Variants in CNTN4 observed in about 807,000 individuals in gnomAD.
CNTN4 encodes contactin 4.
CNTN4 carries 77 observed loss-of-function variants against 122.5 expected under a neutral mutation model. That is an observed-to-expected ratio of 0.63 (90% confidence interval 0.52 to 0.76). The LOEUF is 0.76. Among genes scored for constraint, CNTN4 ranks in the 30% least tolerant of loss-of-function variants. CNTN4 has a pLI of 0.00. For missense variants in CNTN4, 1,256 were observed against 1,259.1 expected (o/e 1.00, Z 0.04); for synonymous variants, 512 against 447.0 (o/e 1.15, Z -1.83).
intron 6 of CNTN4, among the ~76,000 whole-genome samples, chr3:2,774,497 T>C (rs2091235632): frequency 6.6e-6 from 1 of 152,154 alleles, no homozygotes; most frequent in Non-Finnish European, 1.5e-5. Flanking sequence ...GAGGGACCCA[T>C]TTCCTCTACA....
At chr3:2,526,037 C>T (rs1177641902) in intron 3 of CNTN4, among the ~76,000 whole-genome samples, 1 of 152,064 alleles carries the variant, frequency 6.6e-6, no homozygotes, top group Non-Finnish European at 1.5e-5. Context: ...CAAGACAAAA[C>T]AGAATCAAAA....
chr3:2,776,155 G>A (rs2091306526), intron 6 of CNTN4, among the ~76,000 whole-genome samples: 1 of 152,130 alleles, frequency 6.6e-6, no homozygotes, highest in African/African-American at 2.4e-5. Flanking sequence ...GCTCCAAAGT[G>A]GGGAGATTTG....
At chr3:2,698,789 G>T (rs368849011) in intron 4 of CNTN4, among the ~76,000 whole-genome samples, 2 of 152,234 alleles carry the variant, frequency 1.3e-5, no homozygotes, top group South Asian at 4.1e-4. Flanking sequence ...AGGCCAAGGC[G>T]GGCGGATCAC....
At chr3:2,726,536 T>G (rs2088236165) in intron 4 of CNTN4, among the ~76,000 whole-genome samples, 1 of 152,154 alleles carries the variant, frequency 6.6e-6, no homozygotes, top group South Asian at 2.1e-4. Flanking sequence ...TACTACATAG[T>G]TATGCCAGTA....
At chr3:3,026,509 G>A (rs1341011712) in intron 15 of CNTN4, among the ~76,000 whole-genome samples, 1 of 152,076 alleles carries the variant, frequency 6.6e-6, no homozygotes, top group African/African-American at 2.4e-5. Context: ...TCATTCCTGT[G>A]TATGGATTAG....
In CNTN4 at chr3:2,783,118, ATT is replaced by A. The variant is rs5846222; in HGVS notation, c.359-36354_359-36353del. On this transcript the variant is annotated intron_variant, in intron 6 of 24. Coordinates refer to ENST00000418658, the MANE Select transcript of CNTN4 (RefSeq NM_175607.3). ...ACACAGTGAGATTTTCTCTCTACTA[ATT>A]TTTTTTTTTTTTTAAATTAGCAGGA... is the stretch of plus-strand genomic sequence containing the variant. Among the ~76,000 whole-genome samples, 340 of 145,682 alleles carry A rather than the reference ATT, an allele frequency of 2.3e-3. 1 individual carries two copies. Among genetic ancestry groups the A allele is most frequent in the African/African-American group, 7.2e-3 (288 of 39,830 alleles).
At chr3:2,123,328 C>T (rs1199958614) in intron 2 of CNTN4, among the ~76,000 whole-genome samples, 1 of 152,196 alleles carries the variant, frequency 6.6e-6, no homozygotes, top group Non-Finnish European at 1.5e-5. Flanking sequence ...GAGCTATCTC[C>T]CTCTGCCTGC....
intron 3 of CNTN4, among the ~76,000 whole-genome samples, chr3:2,419,123 G>A (rs536344316): frequency 1.3e-5 from 2 of 152,160 alleles, no homozygotes; most frequent in South Asian, 2.1e-4. Flanking sequence ...TACCCCTTAT[G>A]AGAGAAAATA....
At chr3:2,125,192 T>C (rs2034064216) in intron 2 of CNTN4, among the ~76,000 whole-genome samples, 1 of 152,172 alleles carries the variant, frequency 6.6e-6, no homozygotes, top group African/African-American at 2.4e-5. Flanking sequence ...TTTAGATACC[T>C]TATATAAGTA....
chr3:2,810,410 G>T (rs1268866337), intron 6 of CNTN4, among the ~76,000 whole-genome samples: 1 of 152,026 alleles, frequency 6.6e-6, no homozygotes, highest in Non-Finnish European at 1.5e-5. Flanking sequence ...TCTTGCCTAG[G>T]TTTTGTTCCT....
At chr3:2,856,449 T>C (rs2150728780) in intron 7 of CNTN4, among the ~76,000 whole-genome samples, 1 of 152,326 alleles carries the variant, frequency 6.6e-6, no homozygotes, top group Middle Eastern at 3.4e-3. Context: ...ACAAGCCTTG[T>C]CAGAGGGACT....
intron 13 of CNTN4, among the ~76,000 whole-genome samples, chr3:2,969,576 A>G (rs575374960): frequency 1.3e-5 from 2 of 152,150 alleles, no homozygotes; most frequent in South Asian, 4.1e-4. Context: ...TGCAGGCAAT[A>G]CAGTAGATGT....
intron 2 of CNTN4, among the ~76,000 whole-genome samples, chr3:2,286,256 A>G (rs1314683332): frequency 1.4e-5 from 2 of 145,046 alleles, no homozygotes; most frequent in Non-Finnish European, 3.0e-5. Flanking sequence ...CAACATACAC[A>G]TACAAATACA....
At position 2,221,774 on chromosome 3, in the gene CNTN4, G is replaced by A. The variant is rs374797331; in HGVS notation, c.-144-117404G>A. 2.0e-5 allele frequency among the ~76,000 whole-genome samples: 3 copies of A among 152,168 alleles called. No individual in the cohort carries two copies. The East Asian group carries it at 5.8e-4, about 29-fold the overall frequency. ...GCTTCAAAGAAGATATACTAGTAGCGAGCATGCATATGAAACAATGCTCAA... is the reference window on the plus strand; with the variant it reads ...GCTTCAAAGAAGATATACTAGTAGCAAGCATGCATATGAAACAATGCTCAA... On this transcript the variant is annotated intron_variant, in intron 2 of 24. Transcript: ENST00000418658.
intron 6 of CNTN4, among the ~76,000 whole-genome samples, chr3:2,789,494 G>A (rs979548972): frequency 3.9e-5 from 6 of 152,156 alleles, no homozygotes; most frequent in Admixed American, 2.6e-4. Flanking sequence ...GTGCAGTGGC[G>A]TGATATCAGC....
At chr3:2,735,819 C>A in intron 4 of CNTN4, 2 of 382,484 alleles carry the variant, frequency 5.2e-6, no homozygotes, top group Non-Finnish European at 1.0e-5. Context: ...CATTACAGCA[C>A]AGAAAAAAAT....
intron 10 of CNTN4, among the ~76,000 whole-genome samples, chr3:2,889,302 GT>G (rs1389781370): frequency 1.3e-5 from 2 of 152,188 alleles, no homozygotes; most frequent in East Asian, 3.9e-4. Context: ...GGCAGTAGCT[GT>G]TTGAATACAT....
intron 3 of CNTN4, among the ~76,000 whole-genome samples, chr3:2,508,393 G>C (rs1422042051): frequency 3.3e-5 from 5 of 152,194 alleles, no homozygotes; most frequent in Admixed American, 2.6e-4. Context: ...GCAATGAGCA[G>C]TTGTATGCAC....
chr3:2,825,205 C>T (rs1051305587), intron 7 of CNTN4, among the ~76,000 whole-genome samples: 1 of 151,824 alleles, frequency 6.6e-6, no homozygotes, highest in Admixed American at 6.6e-5. Context: ...CACAGTGAGG[C>T]CGTCTCTAAA....
Sources: allele counts gnomAD v4.1 joint callset (sites outside exome capture counted in the v4.1 genomes callset), GRCh38; gene constraint gnomAD v4.1.1; transcripts MANE v1.5; gene names NCBI Gene and HGNC (gene_info 2026-07-23, HGNC 2026-07-21).